Variants in MTHFD1 observed in about 807,000 individuals in gnomAD.
MTHFD1 encodes the protein C-1-tetrahydrofolate synthase, cytoplasmic.
In MTHFD1, 44 loss-of-function variants were observed where a neutral mutation model predicts 110.3. The observed-to-expected ratio is 0.40, with a 90% CI of 0.31 to 0.51. The LOEUF (loss-of-function observed/expected upper bound fraction) is 0.51. Ranked by LOEUF, MTHFD1 falls within the 20% of genes least tolerant of loss-of-function variation. The pLI is 0.60. For synonymous variants in MTHFD1, 402 were observed against 428.8 expected (o/e 0.94, Z 0.77); for missense variants, 909 against 1,173.1 (o/e 0.77, Z 3.29).
chr14:64,422,507 C>A (rs138630424), intron 8 of MTHFD1, among the ~76,000 whole-genome samples: 4 of 152,094 alleles, frequency 2.6e-5, no homozygotes, highest in Non-Finnish European at 5.9e-5. Context: ...CAGAGAAACA[C>A]ATAAAAGTGC....
intron 1 of MTHFD1, among the ~76,000 whole-genome samples, chr14:64,397,757 T>G (rs1022273413): frequency 6.6e-6 from 1 of 152,224 alleles, no homozygotes; most frequent in Non-Finnish European, 1.5e-5. Context: ...TCATGTAAAT[T>G]TCATGCTGCC....
At chr14:64,455,148 T>G (rs769379233) in intron 26 of MTHFD1, 1 of 436,378 alleles carries the variant, frequency 2.3e-6, no homozygotes, top group Non-Finnish European at 4.3e-6. Context: ...TGCTCTTCAC[T>G]GAATCTAGGA....
Position 64,399,015 on chromosome 14 carries a change from T to C in MTHFD1, c.42-1778T>C, listed in dbSNP as rs58957808. 2.0e-3 allele frequency among the ~76,000 whole-genome samples: 310 copies of C among 152,336 alleles called. 4 individuals are homozygous for C. In the East Asian group the frequency reaches 0.022, roughly 11 times the overall value. Reference sequence around the variant, plus strand: ...CTGCAGGAGGTTATACTTTTAGCCTTGTGTTAAATTCTTTGTAAAGAAAAT... The same window carrying C: ...CTGCAGGAGGTTATACTTTTAGCCTCGTGTTAAATTCTTTGTAAAGAAAAT... On this transcript the variant is annotated intron_variant, in intron 1 of 27. Coordinates refer to ENST00000652337, the MANE Select transcript of MTHFD1 (RefSeq NM_005956.4).
chr14:64,447,831 T>C (rs1024376318), intron 22 of MTHFD1, among the ~76,000 whole-genome samples: 2 of 152,186 alleles, frequency 1.3e-5, no homozygotes, highest in Admixed American at 6.5e-5. Context: ...ATTTGTATTA[T>C]CATAACCCTA....
At chr14:64,429,272 G>GTATATATATATATATATATATAT (rs2078141156) in intron 12 of MTHFD1, among the ~76,000 whole-genome samples, 6 of 41,612 alleles carry the variant, frequency 1.4e-4, no homozygotes, top group Non-Finnish European at 2.7e-4. Flanking sequence ...ATATATATCT[G>GTATATATATATATATATATATAT]ATTTACATTT....
intron 1 of MTHFD1, among the ~76,000 whole-genome samples, chr14:64,394,620 C>T (rs2077832700): frequency 1.3e-5 from 2 of 150,416 alleles, no homozygotes; most frequent in African/African-American, 4.9e-5. Context: ...TTGAGAGGTC[C>T]CAGGAGATAA....
intron 1 of MTHFD1, among the ~76,000 whole-genome samples, chr14:64,391,956 A>G (rs781374413): frequency 2.6e-5 from 4 of 152,200 alleles, no homozygotes; most frequent in Non-Finnish European, 4.4e-5. Context: ...AATAGGTGAA[A>G]CACATTGTGA....
At chr14:64,445,879 A>T (rs1344614627) in intron 22 of MTHFD1, among the ~76,000 whole-genome samples, 1 of 152,240 alleles carries the variant, frequency 6.6e-6, no homozygotes. Context: ...CTAGAGGTAA[A>T]GAATTAGCAG....
chr14:64,397,432 A>G (rs1160576440), intron 1 of MTHFD1, among the ~76,000 whole-genome samples: 1 of 151,266 alleles, frequency 6.6e-6, no homozygotes, highest in Non-Finnish European at 1.5e-5. Flanking sequence ...AGCTGAGACT[A>G]CAGGCGCGTG....
At chr14:64,410,987 C>G (rs1022016042) in intron 2 of MTHFD1, 103 bp from the exon 3 acceptor site, 1 of 825,404 alleles carries the variant, frequency 1.2e-6, no homozygotes, top group Middle Eastern at 2.5e-4. Flanking sequence ...CAACAAGAGT[C>G]GCATGATTAA....
In MTHFD1 at chr14:64,441,465, G is replaced by A; in HGVS notation, c.1884+12G>A. ...TGCAGACACTGGAGGTGAGCAGAGTGACTCCTGCCTTCTTGAATTGGTTTT... is the reference window on the plus strand; with the variant it reads ...TGCAGACACTGGAGGTGAGCAGAGTAACTCCTGCCTTCTTGAATTGGTTTT... On this transcript the variant is annotated intron_variant, in intron 19 of 27. Transcript: ENST00000652337. 6.2e-7 allele frequency: 1 copy of A among 1,613,530 alleles called. No homozygotes were observed. Among genetic ancestry groups the A allele is most frequent in the African/African-American group, 1.3e-5 (1 of 75,014 alleles).
chr14:64,418,450 CAAA>C (rs202143596), intron 7 of MTHFD1, among the ~76,000 whole-genome samples: 1 of 131,496 alleles, frequency 7.6e-6, no homozygotes, highest in Non-Finnish European at 1.6e-5. Context: ...GACCCTGTCT[CAAA>C]AAAAAAAAAA....
chr14:64,442,878 C>G (rs1450788940), intron 21 of MTHFD1, among the ~76,000 whole-genome samples: 1 of 152,052 alleles, frequency 6.6e-6, no homozygotes, highest in East Asian at 1.9e-4. Context: ...CAGATCTGCC[C>G]AGGGCTGCCC....
chr14:64,459,708 C>T (rs1368052820), intron 27 of MTHFD1, 51 bp from the exon 28 acceptor site: 2 of 1,313,474 alleles, frequency 1.5e-6, no homozygotes, highest in South Asian at 1.3e-5. Flanking sequence ...GAACAGGAAA[C>T]ATTTCAGTGC....
At position 64,451,198 on chromosome 14, in the gene MTHFD1, T is replaced by C. The variant is rs547193042; in HGVS notation, c.2457+1576T>C. On this transcript the variant is annotated intron_variant, in intron 24 of 27. Transcript: ENST00000652337. The stretch of plus-strand genomic sequence containing the variant: ...AATTTTGTTTTATTTTATTTTATTT[T>C]TCTTGTAGTGACTGGGTCTCCCTAT... Among the ~76,000 whole-genome samples the C allele has an allele frequency of 2.0e-5, 3 of 152,254 alleles. 1 individual carries two copies. The South Asian group carries it at 6.2e-4, about 32-fold the overall frequency.
rs573287906 is a variant in MTHFD1 at position 64,388,481 on chromosome 14, CATT to C, written c.41+14_41+16del. ...AGGAGATCTCCGCGTAAGCACCTGA[CATT>C]GTTGTTGAGTGTGGGGCTGTGGACG... On this transcript the variant is annotated intron_variant, in intron 1 of 27. Coordinates refer to ENST00000652337, the MANE Select transcript of MTHFD1 (RefSeq NM_005956.4). 5.3e-5 allele frequency: 86 copies of C among 1,612,360 alleles called. No homozygotes were observed. Among genetic ancestry groups the C allele is most frequent in the Admixed American group, 1.7e-4 (10 of 59,994 alleles).
chr14:64,436,739 C>T (rs983967754), intron 16 of MTHFD1, among the ~76,000 whole-genome samples: 7 of 152,188 alleles, frequency 4.6e-5, no homozygotes, highest in African/African-American at 1.7e-4. Context: ...ATTGGAATTT[C>T]TCTTCCTTTG....
intron 1 of MTHFD1, among the ~76,000 whole-genome samples, chr14:64,400,110 C>T (rs1290757416): frequency 2.0e-5 from 3 of 152,150 alleles, no homozygotes; most frequent in East Asian, 1.9e-4. Flanking sequence ...AAATACAGGC[C>T]GGGTGCAGTG....
chr14:64,456,993 T>C (rs2078485298), intron 26 of MTHFD1, among the ~76,000 whole-genome samples: 1 of 152,234 alleles, frequency 6.6e-6, no homozygotes, highest in Non-Finnish European at 1.5e-5. Context: ...TTGCAAGCCG[T>C]ACATATTTGC....
Sources: allele counts gnomAD v4.1 joint callset (sites outside exome capture counted in the v4.1 genomes callset), GRCh38; gene constraint gnomAD v4.1.1; transcripts MANE v1.5; gene names NCBI Gene and HGNC (gene_info 2026-07-23, HGNC 2026-07-21).